ADARB2: variants seen among roughly 807,000 people sequenced by gnomAD.
The protein encoded by ADARB2 is inactive double-stranded RNA-specific editase B2.
In ADARB2, 25 loss-of-function variants were observed where a neutral mutation model predicts 62.2. That is an observed-to-expected ratio of 0.40 (90% CI 0.29 to 0.56). The LOEUF is 0.56. Ranked by LOEUF, ADARB2 falls within the 20% of genes least tolerant of loss-of-function variation. The pLI, the probability that ADARB2 is intolerant of heterozygous loss-of-function variation, is 0.43. For synonymous variants in ADARB2, 572 were observed against 500.8 expected, an observed-to-expected ratio of 1.14 and a Z score of -1.90; for missense variants, 1,071 against 1,077.4, an observed-to-expected ratio of 0.99 and a Z score of 0.08.
intron 1 of ADARB2, among the ~76,000 whole-genome samples, chr10:1,685,613 T>C (rs1210634927): frequency 6.6e-6 from 1 of 152,132 alleles, no homozygotes; most frequent in Non-Finnish European, 1.5e-5. Context: ...CATTGTTAGG[T>C]TTTTGCTTAC....
At chr10:1,482,763 G>A (rs73580364) in intron 1 of ADARB2, among the ~76,000 whole-genome samples, 4,051 of 152,046 alleles carry the variant, frequency 0.027, 185 homozygotes, top group African/African-American at 0.091. Context: ...CAGTGAGGAT[G>A]ACAACCCTTG....
intron 7 of ADARB2, among the ~76,000 whole-genome samples, chr10:1,210,692 C>T (rs3817043): frequency 0.27 from 41,442 of 152,218 alleles, 6,919 homozygotes; most frequent in South Asian, 0.45. Flanking sequence ...AGGTTTCCTT[C>T]GCTCATGAGT....
In ADARB2 at chr10:1,451,275, C is replaced by T. The variant is rs74674170; in HGVS notation, c.101-72115G>A. Among the ~76,000 whole-genome samples, 1,010 of 152,346 alleles carry T rather than the reference C, an allele frequency of 6.6e-3. 35 individuals are homozygous for T. The highest frequency in any genetic ancestry group is 0.044 in the Admixed American group (666 of 15,308). Reference sequence around the variant, plus strand: ...AAGTGCCCTCCCAGTATGGGAAAGACGGCAGAGTATTCAACAGGGACACAG... The same window carrying T: ...AAGTGCCCTCCCAGTATGGGAAAGATGGCAGAGTATTCAACAGGGACACAG... On this transcript the variant is annotated intron_variant, in intron 1 of 9. Transcript: ENST00000381312.
At position 1,704,277 on chromosome 10, in the gene ADARB2, A is replaced by G. The variant is rs185135423; in HGVS notation, c.100+32774T>C. ...TTCTATTAATATTACATTGTAATAT[A>G]TAATGAAATAATTATATAACTCAGC... On this transcript the variant is annotated intron_variant, in intron 1 of 9. Coordinates refer to ENST00000381312, the MANE Select transcript of ADARB2 (RefSeq NM_018702.4). The surrounding 1 kb of genome is among the most constrained non-coding windows in gnomAD (Gnocchi z 5.6). Among the ~76,000 whole-genome samples, 1 of 152,364 alleles carries G rather than the reference A, an allele frequency of 6.6e-6. No homozygotes were observed. The highest frequency in any genetic ancestry group is 2.4e-5 in the African/African-American group (1 of 41,584).
chr10:1,546,899 C>A (rs976816705), intron 1 of ADARB2, among the ~76,000 whole-genome samples: 6 of 152,234 alleles, frequency 3.9e-5, no homozygotes, highest in Non-Finnish European at 8.8e-5. Context: ...TGGCTGGAGG[C>A]AGGGCTGCCA....
intron 1 of ADARB2, among the ~76,000 whole-genome samples, chr10:1,432,269 T>A (rs1158763406): frequency 1.3e-5 from 2 of 152,146 alleles, no homozygotes; most frequent in African/African-American, 4.8e-5. Flanking sequence ...ATTTAACTTG[T>A]GATATATTGA....
At chr10:1,458,413 T>C (rs907613980) in intron 1 of ADARB2, among the ~76,000 whole-genome samples, 4 of 152,152 alleles carry the variant, frequency 2.6e-5, no homozygotes, top group South Asian at 2.1e-4. Flanking sequence ...GGCTTTTCTA[T>C]GAAATTAAGC....
intron 1 of ADARB2, among the ~76,000 whole-genome samples, chr10:1,577,443 G>A (rs186042053): frequency 6.6e-5 from 10 of 152,222 alleles, no homozygotes; most frequent in Non-Finnish European, 1.5e-4. Context: ...CACAGAAGGT[G>A]GATGTTGTTT....
At chr10:1,683,049 A>T (rs1455279241) in intron 1 of ADARB2, among the ~76,000 whole-genome samples, 5 of 152,222 alleles carry the variant, frequency 3.3e-5, no homozygotes, top group Non-Finnish European at 5.9e-5. Flanking sequence ...GGAAGCAGAG[A>T]TGACTATGCT....
At chr10:1,677,192 T>C (rs1422506137) in intron 1 of ADARB2, among the ~76,000 whole-genome samples, 2 of 152,180 alleles carry the variant, frequency 1.3e-5, no homozygotes, top group Non-Finnish European at 2.9e-5. Flanking sequence ...ACTGTTTCCT[T>C]CCGAAGGCTC....
intron 1 of ADARB2, among the ~76,000 whole-genome samples, chr10:1,679,400 T>C (rs1418013693): frequency 6.6e-6 from 1 of 152,150 alleles, no homozygotes; most frequent in Non-Finnish European, 1.5e-5. Flanking sequence ...ATCAGACACA[T>C]ATCTTTCCAA....
At chr10:1,528,144 G>T (rs1832172901) in intron 1 of ADARB2, among the ~76,000 whole-genome samples, 1 of 152,214 alleles carries the variant, frequency 6.6e-6, no homozygotes, top group African/African-American at 2.4e-5. Flanking sequence ...TGTGGGCTAC[G>T]TTCTCGCCAA....
intron 1 of ADARB2, among the ~76,000 whole-genome samples, chr10:1,628,192 T>C (rs1833795575): frequency 6.6e-6 from 1 of 152,228 alleles, no homozygotes; most frequent in Non-Finnish European, 1.5e-5. Flanking sequence ...CTGGCCTCCC[T>C]GGCATGCTTA....
intron 3 of ADARB2, among the ~76,000 whole-genome samples, chr10:1,327,965 A>AT (rs1831890635): frequency 1.8e-5 from 2 of 112,158 alleles, no homozygotes; most frequent in Non-Finnish European, 3.9e-5. Flanking sequence ...TCTCACCAGT[A>AT]CTCAGCGCCT....
intron 1 of ADARB2, among the ~76,000 whole-genome samples, chr10:1,720,549 G>GA (rs997760368): frequency 7.9e-5 from 12 of 152,058 alleles, no homozygotes; most frequent in African/African-American, 2.7e-4. Flanking sequence ...AATAAAAGTG[G>GA]AAAAAAATAG....
intron 3 of ADARB2, chr10:1,292,643 A>G (rs1831477278): frequency 6.6e-6 from 1 of 152,180 alleles, no homozygotes; most frequent in Admixed American, 6.5e-5. Context: ...TCCACGGGAC[A>G]AAATGTGATG....
intron 3 of ADARB2, among the ~76,000 whole-genome samples, chr10:1,356,610 G>A (rs1832198361): frequency 6.6e-6 from 1 of 152,184 alleles, no homozygotes; most frequent in Admixed American, 6.5e-5. Flanking sequence ...TGGCCTTCCA[G>A]GGAAGCCTTA....
At chr10:1,431,322 C>G (rs913901523) in intron 1 of ADARB2, among the ~76,000 whole-genome samples, 1 of 152,152 alleles carries the variant, frequency 6.6e-6, no homozygotes, top group Non-Finnish European at 1.5e-5. Context: ...TTAAACAACA[C>G]ACTTCTAAAT....
At chr10:1,622,621 T>C (rs2132027604) in intron 1 of ADARB2, among the ~76,000 whole-genome samples, 1 of 152,212 alleles carries the variant, frequency 6.6e-6, no homozygotes, top group African/African-American at 2.4e-5. Context: ...GAAACCACAA[T>C]GAGATACAGC....
Sources: allele counts gnomAD v4.1 joint callset (sites outside exome capture counted in the v4.1 genomes callset), GRCh38; gene constraint gnomAD v4.1.1; non-coding constraint Gnocchi (gnomAD v3.1); transcripts MANE v1.5; gene names NCBI Gene and HGNC (gene_info 2026-07-23, HGNC 2026-07-21).